The following TMOD3 variants were observed in gnomAD, a reference collection of about 807,000 sequenced individuals.
TMOD3 encodes the protein tropomodulin 3.
In TMOD3, 20 loss-of-function variants were observed where a neutral mutation model predicts 39.2. The observed-to-expected ratio is 0.51, with a 90% CI of 0.36 to 0.74. The LOEUF (loss-of-function observed/expected upper bound fraction) is 0.74. Ranked by LOEUF, TMOD3 falls within the 30% of genes least tolerant of loss-of-function variation. The pLI, the probability that TMOD3 is intolerant of heterozygous loss-of-function variation, is 0.00. For missense variants in TMOD3, 381 were observed against 412.8 expected, an observed-to-expected ratio of 0.92 and a Z score of 0.67; for synonymous variants, 143 against 145.8, an observed-to-expected ratio of 0.98 and a Z score of 0.14.
chr15:51,866,341 C>T (rs75632648), intron 2 of TMOD3, among the ~76,000 whole-genome samples: 5,566 of 152,124 alleles, frequency 0.037, 132 homozygotes, highest in Non-Finnish European at 0.05. Flanking sequence ...ACCTGTAGTT[C>T]CAGTTACTCC....
chr15:51,850,404 G>A (rs1172871641), intron 1 of TMOD3, among the ~76,000 whole-genome samples: 3 of 152,112 alleles, frequency 2.0e-5, no homozygotes, highest in Admixed American at 6.5e-5. Flanking sequence ...TATGGGTACA[G>A]GTGTGGCAGG....
intron 9 of TMOD3, among the ~76,000 whole-genome samples, 161 bp from the exon 10 acceptor site, chr15:51,908,615 T>G (rs966703660): frequency 2.0e-5 from 3 of 151,298 alleles, no homozygotes; most frequent in African/African-American, 4.9e-5. Context: ...GTAGGTTGTT[T>G]TTTTTTTTTT....
intron 1 of TMOD3, chr15:51,861,169 A>T: frequency 2.1e-6 from 1 of 477,188 alleles, no homozygotes. Context: ...TGGATTCTGT[A>T]CTGTAGATCA....
chr15:51,894,302 G>A (rs1310728126), intron 6 of TMOD3, among the ~76,000 whole-genome samples: 1 of 152,170 alleles, frequency 6.6e-6, no homozygotes, highest in East Asian at 1.9e-4. Flanking sequence ...TGTAATCCCA[G>A]CTACTTGGGA....
At chr15:51,896,257 G>A (rs541031741) in intron 6 of TMOD3, among the ~76,000 whole-genome samples, 162 bp from the exon 7 acceptor site, 2 of 152,244 alleles carry the variant, frequency 1.3e-5, no homozygotes, top group East Asian at 1.9e-4. Context: ...AGATAATTAT[G>A]GAGGAAGCTG....
At chr15:51,855,168 A>G (rs1161277927) in intron 1 of TMOD3, among the ~76,000 whole-genome samples, 1 of 152,244 alleles carries the variant, frequency 6.6e-6, no homozygotes, top group African/African-American at 2.4e-5. Flanking sequence ...AGTTAAACAG[A>G]ATACACTCTG....
At chr15:51,889,213 A>C (rs1270664244) in intron 5 of TMOD3, 68 bp downstream of exon 5, 5 of 1,051,166 alleles carry the variant, frequency 4.8e-6, no homozygotes, top group Non-Finnish European at 7.3e-6. Context: ...GCCTTGTGTC[A>C]GCTTAAGTGT....
intron 1 of TMOD3, among the ~76,000 whole-genome samples, chr15:51,846,306 G>A (rs964253715): frequency 6.6e-6 from 1 of 151,952 alleles, no homozygotes; most frequent in African/African-American, 2.4e-5. Flanking sequence ...ACTTTAGCCT[G>A]GGTAACAGGC....
chr15:51,867,893 T>C (rs1229423218), intron 2 of TMOD3, among the ~76,000 whole-genome samples: 4 of 152,214 alleles, frequency 2.6e-5, no homozygotes, highest in African/African-American at 9.6e-5. Context: ...GAGACAACTT[T>C]AATCCATCAC....
At chr15:51,876,750 C>T (rs1051574836) in intron 3 of TMOD3, among the ~76,000 whole-genome samples, 1 of 151,742 alleles carries the variant, frequency 6.6e-6, no homozygotes, top group Non-Finnish European at 1.5e-5. Context: ...CATGAGCCAC[C>T]GCACCCGGCC....
At chr15:51,845,215 T>C (rs575205174) in intron 1 of TMOD3, among the ~76,000 whole-genome samples, 1 of 152,312 alleles carries the variant, frequency 6.6e-6, no homozygotes, top group Admixed American at 6.5e-5. Context: ...CCAAGTCTCA[T>C]CTACTGGTAG....
chr15:51,839,274 A>G (rs924071839), intron 1 of TMOD3, among the ~76,000 whole-genome samples: 1 of 150,082 alleles, frequency 6.7e-6, no homozygotes, highest in African/African-American at 2.5e-5. Flanking sequence ...GGCTCAAGCA[A>G]TCCTCCCACC....
intron 3 of TMOD3, among the ~76,000 whole-genome samples, chr15:51,876,201 C>T (rs2056502370): frequency 6.6e-6 from 1 of 152,128 alleles, no homozygotes; most frequent in Admixed American, 6.5e-5. Context: ...CAGGGTCTTG[C>T]TCTGTTGTCC....
chr15:51,908,647 C>G (rs1176588234), intron 9 of TMOD3, 129 bp from the exon 10 acceptor site: 2 of 395,166 alleles, frequency 5.1e-6, no homozygotes, highest in Non-Finnish European at 8.6e-6. Flanking sequence ...GTCATGTGAA[C>G]TGGAAATGGA....
intron 1 of TMOD3, chr15:51,859,799 C>T (rs2056407477): frequency 3.9e-6 from 2 of 506,438 alleles, no homozygotes; most frequent in Non-Finnish European, 8.0e-6. Context: ...TCAGTCCCAG[C>T]TACTGCCACC....
At chr15:51,874,879 C>T (rs560379017) in intron 3 of TMOD3, 1 of 152,506 alleles carries the variant, frequency 6.6e-6, no homozygotes, top group Non-Finnish European at 1.5e-5. Context: ...GGGCTCCTCC[C>T]TGCCTTGCAC....
At chr15:51,846,498 T>C (rs1444573467) in intron 1 of TMOD3, among the ~76,000 whole-genome samples, 2 of 152,232 alleles carry the variant, frequency 1.3e-5, no homozygotes, top group African/African-American at 4.8e-5. Flanking sequence ...TGTTCTTCAA[T>C]GCTTACTAAC....
chr15:51,842,832 A>G (rs1440754094), intron 1 of TMOD3, among the ~76,000 whole-genome samples: 1 of 152,106 alleles, frequency 6.6e-6, no homozygotes, highest in Non-Finnish European at 1.5e-5. Context: ...CCTCTTGAAA[A>G]ACCTATTGTA....
chr15:51,903,073 C>T (rs967579401), intron 9 of TMOD3, among the ~76,000 whole-genome samples: 1 of 152,188 alleles, frequency 6.6e-6, no homozygotes, highest in Non-Finnish European at 1.5e-5. Flanking sequence ...CGTGAGCCAC[C>T]GCACCTGGGC....
Sources: gnomAD v4.1 joint callset for allele counts (sites outside exome capture counted in the v4.1 genomes callset) on GRCh38, gnomAD v4.1.1 for gene constraint, MANE v1.5 for transcripts, NCBI Gene and HGNC (gene_info 2026-07-23, HGNC 2026-07-21) for gene names.